SREK1IP1: variants seen among roughly 807,000 people sequenced by gnomAD.
SREK1IP1 encodes the protein protein SREK1IP1.
A neutral mutation model predicts 22.8 loss-of-function variants in SREK1IP1; 12 were observed. The ratio of observed to expected loss-of-function variants is 0.53; its 90% CI spans 0.34 to 0.85. The LOEUF (loss-of-function observed/expected upper bound fraction) is 0.85, where lower values mean the gene tolerates loss of function less well. Ranked by LOEUF, SREK1IP1 falls within the 40% of genes least tolerant of loss-of-function variation. The pLI, the probability that SREK1IP1 is intolerant of heterozygous loss-of-function variation, is 0.02. For synonymous variants in SREK1IP1, 53 were observed against 52.7 expected (o/e 1.01, Z -0.02); for missense variants, 147 against 171.8 (o/e 0.86, Z 0.81).
intron 2 of SREK1IP1, among the ~76,000 whole-genome samples, chr5:64,752,312 C>T (rs111661168): frequency 0.062 from 9,369 of 151,778 alleles, 922 homozygotes; most frequent in African/African-American, 0.21. Context: ...CCACCACGTC[C>T]GGCTAATTTT....
chr5:64,762,911 G>A (rs1167805754), intron 1 of SREK1IP1, among the ~76,000 whole-genome samples: 1 of 150,596 alleles, frequency 6.6e-6, no homozygotes, highest in African/African-American at 2.5e-5. Flanking sequence ...AATTAGCCAG[G>A]CGTGGTGGTG....
At chr5:64,729,095 C>T (rs1742328804) in intron 3 of SREK1IP1, among the ~76,000 whole-genome samples, 1 of 152,092 alleles carries the variant, frequency 6.6e-6, no homozygotes, top group Non-Finnish European at 1.5e-5. Context: ...GGGAGGAAGC[C>T]TTGGGGTTAT....
chr5:64,748,991 C>G (rs527336412), intron 2 of SREK1IP1, among the ~76,000 whole-genome samples: 1 of 151,108 alleles, frequency 6.6e-6, no homozygotes, highest in South Asian at 2.1e-4. Flanking sequence ...CAGGTTATGA[C>G]CATTTATTTT....
At chr5:64,743,957 T>C (rs761468199) in intron 2 of SREK1IP1, among the ~76,000 whole-genome samples, 3 of 152,130 alleles carry the variant, frequency 2.0e-5, no homozygotes, top group African/African-American at 4.8e-5. Context: ...AAAATGATAA[T>C]TGGTCACAGC....
chr5:64,743,281 A>T (rs189388261), intron 2 of SREK1IP1, among the ~76,000 whole-genome samples: 1 of 152,324 alleles, frequency 6.6e-6, no homozygotes, highest in Admixed American at 6.5e-5. Flanking sequence ...TGCCTACACT[A>T]TTCAGTACAG....
At chr5:64,733,039 A>G (rs1201267201) in intron 3 of SREK1IP1, among the ~76,000 whole-genome samples, 1 of 152,096 alleles carries the variant, frequency 6.6e-6, no homozygotes, top group East Asian at 1.9e-4. Context: ...ATAAAAATCA[A>G]CTCAAAATTT....
intron 2 of SREK1IP1, among the ~76,000 whole-genome samples, chr5:64,745,462 G>C (rs1016925320): frequency 2.0e-5 from 3 of 152,072 alleles, no homozygotes; most frequent in Non-Finnish European, 2.9e-5. Flanking sequence ...GGTGGTGCAT[G>C]CCTGTAATTC....
At chr5:64,754,066 C>T (rs1026101187) in intron 2 of SREK1IP1, among the ~76,000 whole-genome samples, 5 of 152,330 alleles carry the variant, frequency 3.3e-5, no homozygotes, top group Non-Finnish European at 5.9e-5. Flanking sequence ...TAATCTACTA[C>T]TAACCACCTG....
intron 1 of SREK1IP1, among the ~76,000 whole-genome samples, chr5:64,767,049 C>T (rs1019257959): frequency 2.0e-5 from 3 of 152,166 alleles, no homozygotes; most frequent in African/African-American, 4.8e-5. Context: ...ACAGCTACTA[C>T]CTCTGTACTT....
rs533292691 is a variant in SREK1IP1 at position 64,741,505 on chromosome 5, G to A, written c.62-305C>T. On this transcript the variant is annotated intron_variant, in intron 2 of 4. Transcript: ENST00000513458. ...TTCTATTTCCCTTTCTAAAAATACA[G>A]TAATATCTTTAACTAAACTAAGTAA... Among the ~76,000 whole-genome samples, 6 of 152,100 alleles carry A rather than the reference G, an allele frequency of 3.9e-5. No homozygotes were observed. The East Asian group carries it at 1.2e-3, about 29-fold the overall frequency.
chr5:64,739,371 G>A (rs1437951386), intron 3 of SREK1IP1, among the ~76,000 whole-genome samples: 1 of 152,080 alleles, frequency 6.6e-6, no homozygotes, highest in Non-Finnish European at 1.5e-5. Context: ...GTCTGCTGGG[G>A]TGATGAAGGG....
Position 64,722,893 on chromosome 5 carries a change from G to C in SREK1IP1, c.*1491C>G, listed in dbSNP as rs1453043109. ...TGAGGGTATCCACATTGGGTGCCAG[G>C]TGAAACAAGAATCAGTAAACCTTTC... is the stretch of plus-strand genomic sequence containing the variant. On this transcript the variant is annotated 3_prime_UTR_variant, in exon 5 of 5. Coordinates refer to ENST00000513458, the MANE Select transcript of SREK1IP1 (RefSeq NM_173829.4). 2.0e-5 allele frequency: 3 copies of C among 152,190 alleles called. No homozygotes were observed. The highest frequency in any genetic ancestry group is 1.5e-5 in the Non-Finnish European group (1 of 68,042). The allele number at this position is 152,190 out of a possible 1,614,324, so 9.4% of individuals were successfully genotyped here. A position where few individuals can be genotyped will look rare whatever the true frequency, so the allele number is the denominator to read the frequency against.
chr5:64,754,466 T>TA, intron 1 of SREK1IP1, 104 bp from the exon 2 acceptor site: 1 of 1,201,518 alleles, frequency 8.3e-7, no homozygotes, highest in African/African-American at 1.6e-5. Context: ...TTATAGAATT[T>TA]CTTTTTTTTT....
At chr5:64,749,071 A>C (rs1204205160) in intron 2 of SREK1IP1, among the ~76,000 whole-genome samples, 1 of 94,144 alleles carries the variant, frequency 1.1e-5, no homozygotes, top group African/African-American at 5.0e-5. Context: ...TAATAATAAT[A>C]ATAATAATAA....
In SREK1IP1 at chr5:64,718,635, A is replaced by G. The variant is rs1373539443; in HGVS notation, c.*5749T>C. The G allele has an allele frequency of 4.6e-5, 7 of 152,178 alleles. 1 individual carries two copies. In the South Asian group the frequency reaches 8.3e-4, roughly 18 times the overall value. 9.4% of individuals were successfully genotyped at this position (152,178 alleles called of 1,614,324 possible). ...AATAATCTGTATAATGAAAGCTACAAAACAAATGAGTTCTCTGGTCCCACC... is the reference window on the plus strand; with the variant it reads ...AATAATCTGTATAATGAAAGCTACAGAACAAATGAGTTCTCTGGTCCCACC... On this transcript the variant is annotated 3_prime_UTR_variant, in exon 5 of 5. Transcript: ENST00000513458.
chr5:64,766,540 T>A (rs1373963425), intron 1 of SREK1IP1, among the ~76,000 whole-genome samples: 2 of 152,264 alleles, frequency 1.3e-5, no homozygotes, highest in Non-Finnish European at 2.9e-5. Flanking sequence ...GTCTCCAATC[T>A]ACTTTCTAGC....
chr5:64,736,202 G>A (rs186825238), intron 3 of SREK1IP1, among the ~76,000 whole-genome samples: 7 of 150,958 alleles, frequency 4.6e-5, no homozygotes, highest in Non-Finnish European at 8.8e-5. Flanking sequence ...TATCTTGATA[G>A]GTACACTTAA....
intron 3 of SREK1IP1, among the ~76,000 whole-genome samples, chr5:64,730,823 G>GT (rs1245217815): frequency 2.6e-5 from 4 of 152,196 alleles, no homozygotes; most frequent in African/African-American, 9.7e-5. Flanking sequence ...TTGCACTGCT[G>GT]TAAGGGGATC....
chr5:64,743,544 A>C (rs1742583803), intron 2 of SREK1IP1, among the ~76,000 whole-genome samples: 1 of 152,142 alleles, frequency 6.6e-6, no homozygotes, highest in Non-Finnish European at 1.5e-5. Flanking sequence ...TTTTTGTCTA[A>C]TAACTTCTGA....
Sources: allele counts gnomAD v4.1 joint callset (sites outside exome capture counted in the v4.1 genomes callset), GRCh38; gene constraint gnomAD v4.1.1; transcripts MANE v1.5; gene names NCBI Gene and HGNC (gene_info 2026-07-23, HGNC 2026-07-21).